The following PDE7B variants were observed in gnomAD, a reference collection of about 807,000 sequenced individuals.
PDE7B encodes the protein 3',5'-cyclic-AMP phosphodiesterase 7B.
PDE7B carries 29 observed loss-of-function variants against 56.2 expected under a neutral mutation model. That is an observed-to-expected ratio of 0.52 (90% CI 0.38 to 0.70). The LOEUF is 0.70. Ranked by LOEUF, PDE7B falls within the 30% of genes least tolerant of loss-of-function variation. PDE7B has a pLI of 0.00. For missense variants in PDE7B, 490 were observed against 565.0 expected, an observed-to-expected ratio of 0.87 and a Z score of 1.35; for synonymous variants, 197 against 196.9, an observed-to-expected ratio of 1.00 and a Z score of 0.00.
intron 9 of PDE7B, among the ~76,000 whole-genome samples, chr6:136,176,832 TAGC>T (rs758402534): frequency 6.6e-6 from 1 of 152,198 alleles, no homozygotes; most frequent in Non-Finnish European, 1.5e-5. Flanking sequence ...GCAAATTACT[TAGC>T]AGTTACTTTT....
intron 2 of PDE7B, among the ~76,000 whole-genome samples, chr6:136,077,495 G>T (rs955002438): frequency 6.6e-6 from 1 of 151,850 alleles, no homozygotes; most frequent in African/African-American, 2.4e-5. Context: ...TTGGATCATT[G>T]TAAGCCTTAG....
intron 2 of PDE7B, among the ~76,000 whole-genome samples, chr6:136,079,021 GGA>G (rs939939043): frequency 2.0e-5 from 3 of 152,104 alleles, no homozygotes; most frequent in African/African-American, 7.2e-5. Flanking sequence ...TGTCCAACCT[GGA>G]GAATTATATA....
At chr6:135,911,063 A>G (rs550788609) in intron 1 of PDE7B, among the ~76,000 whole-genome samples, 1 of 152,350 alleles carries the variant, frequency 6.6e-6, no homozygotes, top group East Asian at 1.9e-4. Context: ...CAGGAGGAAA[A>G]ATATTTAAAA....
chr6:136,091,863 A>C (rs191519194), intron 2 of PDE7B, among the ~76,000 whole-genome samples: 146 of 152,308 alleles, frequency 9.6e-4, no homozygotes, highest in Middle Eastern at 3.4e-3. Flanking sequence ...AGATGGTAGA[A>C]TCTTGAATGT....
chr6:136,171,594 T>C (rs1180007894), intron 8 of PDE7B, among the ~76,000 whole-genome samples: 1 of 152,180 alleles, frequency 6.6e-6, no homozygotes, highest in Non-Finnish European at 1.5e-5. Flanking sequence ...GTTATGACTA[T>C]AGTGACATGG....
rs1209235936 is a variant in PDE7B, at chr6:135,985,345, T to C, written c.82+37821T>C. 6.6e-5 allele frequency among the ~76,000 whole-genome samples: 10 copies of C among 152,268 alleles called. No homozygotes were observed. In the South Asian group the frequency reaches 1.9e-3, roughly 28 times the overall value. On this transcript the variant is annotated intron_variant, in intron 2 of 12. Coordinates refer to ENST00000308191, the MANE Select transcript of PDE7B (RefSeq NM_018945.4). ...GCCCCTGGGATGCAGCTTTCTGAGG[T>C]TGGATAGGACAAGGCAACTAGAGGT...
chr6:136,084,755 G>A (rs983644167), intron 2 of PDE7B, among the ~76,000 whole-genome samples: 2 of 152,168 alleles, frequency 1.3e-5, no homozygotes, highest in African/African-American at 2.4e-5. Flanking sequence ...TCTTATCTTA[G>A]ATCAAGGCAT....
chr6:135,952,182 A>G (rs1488075661), intron 2 of PDE7B, among the ~76,000 whole-genome samples: 1 of 152,132 alleles, frequency 6.6e-6, no homozygotes, highest in Non-Finnish European at 1.5e-5. Flanking sequence ...AATATTGTGT[A>G]TGCATCAATA....
At chr6:135,888,540 T>C (rs531221881) in intron 1 of PDE7B, among the ~76,000 whole-genome samples, 5 of 152,158 alleles carry the variant, frequency 3.3e-5, no homozygotes, top group African/African-American at 7.2e-5. Flanking sequence ...TTTATACTTA[T>C]TATAGGTATA....
rs1562412156 is a variant in PDE7B at position 135,857,024 on chromosome 6, T to TCCCTCCCTCCCTC, written c.21+5007_21+5008insCTCCCTCCCTCCC. Among the ~76,000 whole-genome samples, 139 of 127,582 alleles carry TCCCTCCCTCCCTC rather than the reference T, an allele frequency of 1.1e-3. 1 individual carries two copies. The highest frequency in any genetic ancestry group is 6.6e-3 in the East Asian group (27 of 4,094). 83.7% of individuals were successfully genotyped at this position (127,582 alleles called of 152,430 possible). A position where few individuals can be genotyped will look rare whatever the true frequency, so the allele number is the denominator to read the frequency against. On this transcript the variant is annotated intron_variant, in intron 1 of 12. Transcript: ENST00000308191. ...TTTCCTTCTGCCCTCTTACTCCTTT[T>TCCCTCCCTCCCTC]CCTCCCTCCCTCCCTCCCTCCCTCC...
intron 3 of PDE7B, among the ~76,000 whole-genome samples, chr6:136,124,306 C>T (rs538702324): frequency 6.6e-6 from 1 of 151,898 alleles, no homozygotes; most frequent in East Asian, 1.9e-4. Context: ...CAATTTTATA[C>T]ACTGGGAAGA....
chr6:135,924,642 T>A (rs1774150353), intron 1 of PDE7B, among the ~76,000 whole-genome samples: 1 of 101,850 alleles, frequency 9.8e-6, no homozygotes, highest in Non-Finnish European at 2.1e-5. Context: ...TTTTTTTTTT[T>A]GTGGGATGTC....
intron 2 of PDE7B, among the ~76,000 whole-genome samples, chr6:136,074,735 A>G (rs1193228736): frequency 6.6e-6 from 1 of 152,160 alleles, no homozygotes; most frequent in Admixed American, 6.5e-5. Flanking sequence ...GAGTGAATCC[A>G]TATTGTTGCA....
intron 2 of PDE7B, among the ~76,000 whole-genome samples, chr6:135,992,264 A>G (rs1775492250): frequency 6.6e-6 from 1 of 152,102 alleles, no homozygotes; most frequent in African/African-American, 2.4e-5. Context: ...AAATTTACTA[A>G]TAAGTATTGG....
At chr6:136,086,275 T>C (rs1403353233) in intron 2 of PDE7B, among the ~76,000 whole-genome samples, 2 of 152,190 alleles carry the variant, frequency 1.3e-5, no homozygotes, top group African/African-American at 4.8e-5. Context: ...TCTACTCTTA[T>C]ATCAGTATCC....
At position 135,960,364 on chromosome 6, in the gene PDE7B, T is replaced by G. The variant is rs534635411; in HGVS notation, c.82+12840T>G. Reference sequence around the variant, plus strand: ...GTTTACTTTCCTATGGAAAAGTTTCTTAGAAGATCAGTTTCAAATGTTAGC... The same window carrying G: ...GTTTACTTTCCTATGGAAAAGTTTCGTAGAAGATCAGTTTCAAATGTTAGC... On this transcript the variant is annotated intron_variant, in intron 2 of 12. Coordinates refer to ENST00000308191, the MANE Select transcript of PDE7B (RefSeq NM_018945.4). 6.6e-5 allele frequency among the ~76,000 whole-genome samples: 10 copies of G among 152,328 alleles called. No individual in the cohort carries two copies. The South Asian group carries it at 1.9e-3, about 28-fold the overall frequency.
At chr6:136,169,946 G>A (rs1216630053) in intron 8 of PDE7B, among the ~76,000 whole-genome samples, 1 of 152,128 alleles carries the variant, frequency 6.6e-6, no homozygotes, top group African/African-American at 2.4e-5. Flanking sequence ...ATAGCAATAG[G>A]ACAGACTCTA....
Position 135,943,531 on chromosome 6 carries a change from A to G in PDE7B, c.22-3933A>G, listed in dbSNP as rs146869661. ...TATATATCTCAGTCAAACATCCAGTAAGCTGTCAACATTTATTCTATCCAT... is the reference window on the plus strand; with the variant it reads ...TATATATCTCAGTCAAACATCCAGTGAGCTGTCAACATTTATTCTATCCAT... On this transcript the variant is annotated intron_variant, in intron 1 of 12. Coordinates refer to ENST00000308191, the MANE Select transcript of PDE7B (RefSeq NM_018945.4). Among the ~76,000 whole-genome samples, 1,356 of 152,366 alleles carry G rather than the reference A, an allele frequency of 8.9e-3. 13 individuals are homozygous for G. The highest frequency in any genetic ancestry group is 0.013 in the Non-Finnish European group (855 of 68,026).
rs1184030081 is a variant in PDE7B at position 136,194,487 on chromosome 6, G to A, written c.*2647G>A. The A allele has an allele frequency of 6.6e-6, 1 of 152,188 alleles. No homozygotes were observed. The highest frequency in any genetic ancestry group is 1.5e-5 in the Non-Finnish European group (1 of 68,026). 9.4% of individuals were successfully genotyped at this position (152,188 alleles called of 1,614,324 possible). ...CAGCTGCCTCCCTCATTCAACTGGG[G>A]AGTTCTTGAGTTCCTCATTTGTTGG... On this transcript the variant is annotated 3_prime_UTR_variant, in exon 13 of 13. Coordinates refer to ENST00000308191, the MANE Select transcript of PDE7B (RefSeq NM_018945.4).
Sources: allele counts gnomAD v4.1 joint callset (sites outside exome capture counted in the v4.1 genomes callset), GRCh38; gene constraint gnomAD v4.1.1; transcripts MANE v1.5; gene names NCBI Gene and HGNC (gene_info 2026-07-23, HGNC 2026-07-21).